The following PEX14 variants were observed in gnomAD, a reference collection of about 807,000 sequenced individuals.
The protein encoded by PEX14 is peroxisomal biogenesis factor 14.
PEX14 carries 15 observed loss-of-function variants against 49.5 expected under a neutral mutation model. The ratio of observed to expected loss-of-function variants is 0.30; its 90% CI spans 0.20 to 0.47. The LOEUF (loss-of-function observed/expected upper bound fraction) is 0.47. PEX14 is among the 20% of genes least tolerant of loss of function. The probability of loss-of-function intolerance (pLI) is 1.00; values close to 1 mark genes in which losing one functional copy is unlikely to be tolerated. For missense variants in PEX14, 398 were observed against 494.8 expected (o/e 0.80, Z 1.86); for synonymous variants, 210 against 212.7 (o/e 0.99, Z 0.11).
At chr1:10,491,564 G>A (rs952005083) in intron 1 of PEX14, among the ~76,000 whole-genome samples, 2 of 150,206 alleles carry the variant, frequency 1.3e-5, no homozygotes, top group South Asian at 2.1e-4. Context: ...ATGGGGTCTC[G>A]CTGTGTTGCC....
chr1:10,560,718 C>CTTTTTTT (rs34964492), intron 3 of PEX14, among the ~76,000 whole-genome samples: 5 of 129,092 alleles, frequency 3.9e-5, no homozygotes, highest in Non-Finnish European at 4.8e-5. Context: ...ATTTTGCCAC[C>CTTTTTTT]TTTTTTTTTT....
intron 3 of PEX14, among the ~76,000 whole-genome samples, chr1:10,569,139 A>G (rs1203506089): frequency 1.3e-5 from 2 of 152,226 alleles, no homozygotes; most frequent in South Asian, 2.1e-4. Context: ...TCTAAGCATT[A>G]TAGTACTAAA....
chr1:10,614,227 G>A lies in PEX14; in HGVS notation c.299-4105G>A, dbSNP rs970273544. ...CCGAGTTTTTCTCTTTTTTCATTTT[G>A]CCACAAGACAGAATTGTATCACACA... On this transcript the variant is annotated intron_variant, in intron 4 of 8. Coordinates refer to ENST00000356607, the MANE Select transcript of PEX14 (RefSeq NM_004565.3). 3.3e-5 allele frequency among the ~76,000 whole-genome samples: 5 copies of A among 152,112 alleles called. No individual in the cohort carries two copies. The East Asian group carries it at 5.8e-4, about 18-fold the overall frequency.
intron 3 of PEX14, among the ~76,000 whole-genome samples, chr1:10,592,002 A>G (rs1034009824): frequency 3.6e-5 from 4 of 111,726 alleles, no homozygotes; most frequent in East Asian, 2.3e-4. Flanking sequence ...ATAAACTCCA[A>G]TTTTTCTTGC....
chr1:10,536,400 T>C (rs1477118597), intron 3 of PEX14, 103 bp downstream of exon 3: 14 of 782,156 alleles, frequency 1.8e-5, no homozygotes, highest in Non-Finnish European at 3.2e-5. Context: ...CAGGACTTCC[T>C]AGAGCTGCCC....
intron 2 of PEX14, among the ~76,000 whole-genome samples, chr1:10,505,716 C>T (rs1032176598): frequency 2.7e-5 from 4 of 150,076 alleles, no homozygotes; most frequent in Non-Finnish European, 4.4e-5. Flanking sequence ...AGTCTTGCTC[C>T]GTTGCCCAGG....
At chr1:10,567,451 T>C (rs1260803111) in intron 3 of PEX14, among the ~76,000 whole-genome samples, 1 of 152,228 alleles carries the variant, frequency 6.6e-6, no homozygotes, top group African/African-American at 2.4e-5. Context: ...TGGCTATTCT[T>C]ATTTCTATAT....
At chr1:10,543,501 G>A (rs554492358) in intron 3 of PEX14, among the ~76,000 whole-genome samples, 10 of 152,160 alleles carry the variant, frequency 6.6e-5, no homozygotes, top group Non-Finnish European at 1.0e-4. Flanking sequence ...GAAGGCCTTC[G>A]TTAGTGAGGG....
In PEX14 at chr1:10,495,140, G is replaced by A; in HGVS notation, c.37-134G>A. On this transcript the variant is annotated intron_variant, in intron 1 of 8. Transcript: ENST00000356607. The surrounding 1 kb of genome is among the most constrained non-coding windows in gnomAD (Gnocchi z 4.2). Reference sequence around the variant, plus strand: ...AGGTAGTCCACTGCAAAATACTCTTGTGTCGTGAAAAACCAGTGAGAGATG... The same window carrying A: ...AGGTAGTCCACTGCAAAATACTCTTATGTCGTGAAAAACCAGTGAGAGATG... 1 of 1,554,036 alleles carries A rather than the reference G, an allele frequency of 6.4e-7. No individual in the cohort carries two copies. The highest frequency in any genetic ancestry group is 8.7e-7 in the Non-Finnish European group (1 of 1,147,762).
At chr1:10,511,589 T>C (rs954388066) in intron 2 of PEX14, among the ~76,000 whole-genome samples, 4 of 152,214 alleles carry the variant, frequency 2.6e-5, no homozygotes, top group Non-Finnish European at 5.9e-5. Context: ...CTGACATCTG[T>C]GGACTATGGA....
chr1:10,569,157 T>C (rs1639899320), intron 3 of PEX14, among the ~76,000 whole-genome samples: 2 of 152,222 alleles, frequency 1.3e-5, no homozygotes, highest in African/African-American at 4.8e-5. Context: ...AAAGCAATAT[T>C]CATGCTTTAG....
intron 3 of PEX14, among the ~76,000 whole-genome samples, chr1:10,565,037 G>T (rs564607359): frequency 6.6e-6 from 1 of 150,974 alleles, no homozygotes; most frequent in Non-Finnish European, 1.5e-5. Context: ...CCAAGTAGTT[G>T]GGACTACAGG....
intron 3 of PEX14, among the ~76,000 whole-genome samples, chr1:10,567,518 C>T (rs549651726): frequency 6.6e-6 from 1 of 152,056 alleles, no homozygotes; most frequent in African/African-American, 2.4e-5. Context: ...TTTTTTTAGA[C>T]AGTCTTGCTG....
At chr1:10,583,499 G>A (rs1640390491) in intron 3 of PEX14, among the ~76,000 whole-genome samples, 1 of 151,416 alleles carries the variant, frequency 6.6e-6, no homozygotes, top group Non-Finnish European at 1.5e-5. Context: ...TGAGATTACA[G>A]GTATTAGCTA....
At chr1:10,548,526 T>C (rs12117392) in intron 3 of PEX14, among the ~76,000 whole-genome samples, 46,446 of 152,110 alleles carry the variant, frequency 0.31, 7,839 homozygotes, top group Non-Finnish European at 0.38. Flanking sequence ...TCCATTGTTA[T>C]ATTCAACACT....
chr1:10,609,673 T>C lies in PEX14; in HGVS notation c.299-8659T>C, dbSNP rs373119971. Among the ~76,000 whole-genome samples, 101 of 152,214 alleles carry C rather than the reference T, an allele frequency of 6.6e-4. 1 individual carries two copies. The highest frequency in any genetic ancestry group is 1.8e-3 in the African/African-American group (75 of 41,534). Reference sequence around the variant, plus strand: ...GCTGAGGAGGGCGGATCACCTGAGGTCAGGAGTTCGAGACCAGCCTGGCCA... The same window carrying C: ...GCTGAGGAGGGCGGATCACCTGAGGCCAGGAGTTCGAGACCAGCCTGGCCA... On this transcript the variant is annotated intron_variant, in intron 4 of 8. Transcript: ENST00000356607.
At chr1:10,501,284 C>G (rs940014093) in intron 2 of PEX14, among the ~76,000 whole-genome samples, 8 of 125,166 alleles carry the variant, frequency 6.4e-5, no homozygotes, top group Non-Finnish European at 1.3e-4. Context: ...AGAATCCGCC[C>G]TATCAGTTTA....
intron 3 of PEX14, among the ~76,000 whole-genome samples, chr1:10,585,340 C>T (rs1640449488): frequency 6.6e-6 from 1 of 151,968 alleles, no homozygotes; most frequent in Admixed American, 6.6e-5. Flanking sequence ...AAAAAGAAGA[C>T]AGGAGAGAAA....
At chr1:10,565,147 C>T (rs568721627) in intron 3 of PEX14, among the ~76,000 whole-genome samples, 3 of 152,312 alleles carry the variant, frequency 2.0e-5, no homozygotes, top group Non-Finnish European at 1.5e-5. Flanking sequence ...CGTGATCTGC[C>T]CGCCTCGGCC....
Sources: allele counts gnomAD v4.1 joint callset (sites outside exome capture counted in the v4.1 genomes callset), GRCh38; gene constraint gnomAD v4.1.1; non-coding constraint Gnocchi (gnomAD v3.1); transcripts MANE v1.5; gene names NCBI Gene and HGNC (gene_info 2026-07-23, HGNC 2026-07-21).